ASB1: variants seen among roughly 807,000 people sequenced by gnomAD.
ASB1 encodes ankyrin repeat and SOCS box containing 1.
ASB1 carries 18 observed loss-of-function variants against 27.7 expected under a neutral mutation model. The ratio of observed to expected loss-of-function variants is 0.65; its 90% CI spans 0.45 to 0.96. The LOEUF (loss-of-function observed/expected upper bound fraction) is 0.96. ASB1 is among the 50% of genes least tolerant of loss of function. ASB1 has a pLI of 0.00. For synonymous variants in ASB1, 189 were observed against 187.6 expected (o/e 1.01, Z -0.06); for missense variants, 397 against 451.7 (o/e 0.88, Z 1.10).
rs548486087 is a variant in ASB1, at chr2:238,432,138, G to C, written c.50-1416G>C. 5.3e-4 allele frequency among the ~76,000 whole-genome samples: 80 copies of C among 152,282 alleles called. 1 individual carries two copies. Among genetic ancestry groups the C allele is most frequent in the South Asian group, 5.2e-3 (25 of 4,824 alleles). The stretch of plus-strand genomic sequence containing the variant: ...GATCTTTCTGGGCAGCTGATGGTTT[G>C]ATTTTCTTTTTTATTCTGATGAGTG... On this transcript the variant is annotated intron_variant, in intron 1 of 4. Coordinates refer to ENST00000264607, the MANE Select transcript of ASB1 (RefSeq NM_001040445.3).
Position 238,446,695 on chromosome 2 carries a change from T to A in ASB1, c.*184T>A, listed in dbSNP as rs1702187840. 1 of 659,850 alleles carries A rather than the reference T, an allele frequency of 1.5e-6. No individual in the cohort carries two copies. The allele number at this position is 659,850 out of a possible 1,614,324, so 40.9% of individuals were successfully genotyped here. A position where few individuals can be genotyped will look rare whatever the true frequency, so the allele number is the denominator to read the frequency against. The stretch of plus-strand genomic sequence containing the variant: ...GAACAGTCCTTGGGTCATTGTCAGC[T>A]GAGAGGCTTATACTAAAGTTATTAT... On this transcript the variant is annotated 3_prime_UTR_variant, in exon 5 of 5. Coordinates refer to ENST00000264607, the MANE Select transcript of ASB1 (RefSeq NM_001040445.3).
In ASB1 at chr2:238,447,643, G is replaced by C. The variant is rs1702206301; in HGVS notation, c.*1132G>C. 6.6e-6 allele frequency: 1 copy of C among 152,286 alleles called. No individual in the cohort carries two copies. Among genetic ancestry groups the C allele is most frequent in the African/African-American group, 2.4e-5 (1 of 41,478 alleles). The allele number at this position is 152,286 out of a possible 1,614,324, so 9.4% of individuals were successfully genotyped here. On this transcript the variant is annotated 3_prime_UTR_variant, in exon 5 of 5. Transcript: ENST00000264607. ...AGCCTCAGAGCCCTCCCAGGTTGCT[G>C]CTGTTTCCAGTGAATCACATTTCGT...
intron 3 of ASB1, 72 bp downstream of exon 3, chr2:238,436,085 G>C: frequency 7.1e-7 from 1 of 1,416,598 alleles, no homozygotes; most frequent in Non-Finnish European, 9.3e-7. Flanking sequence ...CAGTTTTTCT[G>C]TCTTTAGAAT....
intron 3 of ASB1, among the ~76,000 whole-genome samples, chr2:238,440,423 T>G (rs1702056914): frequency 6.6e-6 from 1 of 152,234 alleles, no homozygotes; most frequent in Non-Finnish European, 1.5e-5. Flanking sequence ...TTTCTGCCTT[T>G]CGCGTTTACT....
chr2:238,428,774 C>T (rs768465782), intron 1 of ASB1, among the ~76,000 whole-genome samples: 1 of 152,162 alleles, frequency 6.6e-6, no homozygotes, highest in Non-Finnish European at 1.5e-5. Flanking sequence ...GAATCTGGAG[C>T]TGGGGAAAGA....
intron 3 of ASB1, 67 bp from the exon 4 acceptor site, chr2:238,444,275 G>T: frequency 6.6e-7 from 1 of 1,526,372 alleles, no homozygotes; most frequent in East Asian, 2.3e-5. Context: ...GGATTTGTTG[G>T]ATCTGTGGGA....
At position 238,444,695 on chromosome 2, in the gene ASB1, C is replaced by T. The variant is rs750406228; in HGVS notation, c.848C>T (p.Pro283Leu). 17 of 1,613,634 alleles carry T rather than the reference C, an allele frequency of 1.1e-5. No individual in the cohort carries two copies. Among genetic ancestry groups the T allele is most frequent in the Admixed American group, 5.0e-5 (3 of 59,990 alleles). ...PESRGRRKVD[P>L]EALQVFKEAR... is the part of the protein sequence containing the mutation. ...TCGAGAGGAAGAAGAAAAGTGGACC[C>T]TGAGGCCTTGCAGGTCTTTAAAGAG... Residue 283 changes from proline to leucine, a missense_variant, in exon 4 of 5, where the codon CCT becomes CTT. Transcript: ENST00000264607.
At chr2:238,435,243 A>G (rs1221695314) in intron 2 of ASB1, 2 of 170,272 alleles carry the variant, frequency 1.2e-5, no homozygotes, top group Admixed American at 5.8e-5. Flanking sequence ...TTGGGGGCCT[A>G]CATAGTCACC....
At position 238,446,639 on chromosome 2, in the gene ASB1, C is replaced by A; in HGVS notation, c.*128C>A. 1 of 1,242,616 alleles carries A rather than the reference C, an allele frequency of 8.0e-7. No individual in the cohort carries two copies. The highest frequency in any genetic ancestry group is 1.2e-6 in the Non-Finnish European group (1 of 864,242). 77.0% of individuals were successfully genotyped at this position (1,242,616 alleles called of 1,614,324 possible). A position where few individuals can be genotyped will look rare whatever the true frequency, so the allele number is the denominator to read the frequency against. Reference sequence around the variant, plus strand: ...TTGCTGCAGAAGATGTCCTCGTAGACTGTCATTGCTCCTCAGGTGCCTGGG... The same window carrying A: ...TTGCTGCAGAAGATGTCCTCGTAGAATGTCATTGCTCCTCAGGTGCCTGGG... On this transcript the variant is annotated 3_prime_UTR_variant, in exon 5 of 5. Coordinates refer to ENST00000264607, the MANE Select transcript of ASB1 (RefSeq NM_001040445.3).
chr2:238,433,131 C>G (rs9630961), intron 1 of ASB1, among the ~76,000 whole-genome samples: 24,210 of 152,136 alleles, frequency 0.16, 3,744 homozygotes, highest in African/African-American at 0.4. Context: ...AATATTGATT[C>G]AATCTGCTGA....
At chr2:238,427,282 C>T (rs1171984003) in intron 1 of ASB1, 163 bp downstream of exon 1, 3 of 451,826 alleles carry the variant, frequency 6.6e-6, no homozygotes, top group Non-Finnish European at 1.1e-5. Flanking sequence ...CAGCGCGGCT[C>T]GCAGTGCTGG....
chr2:238,427,395 G>A, intron 1 of ASB1: 1 of 356,978 alleles, frequency 2.8e-6, no homozygotes, highest in Admixed American at 4.7e-5. Flanking sequence ...CTTCCCGTTA[G>A]CCGATACAGA....
rs1702195056 is a variant in ASB1 at position 238,447,072 on chromosome 2, A to T, written c.*561A>T. ...ATTCTCTCTTTGCGATGGAGGTCTC[A>T]TAGTGAGTGTCTTCACTCAAGGGTG... On this transcript the variant is annotated 3_prime_UTR_variant, in exon 5 of 5. Transcript: ENST00000264607. 1 of 157,080 alleles carries T rather than the reference A, an allele frequency of 6.4e-6. No individual in the cohort carries two copies. The highest frequency in any genetic ancestry group is 2.4e-5 in the African/African-American group (1 of 41,454). The allele number at this position is 157,080 out of a possible 1,614,324, so 9.7% of individuals were successfully genotyped here.
intron 3 of ASB1, among the ~76,000 whole-genome samples, chr2:238,439,322 G>A (rs1190835812): frequency 1.3e-5 from 2 of 152,104 alleles, no homozygotes; most frequent in Admixed American, 6.5e-5. Context: ...TGGAAGCCTC[G>A]TTGTCATGTG....
chr2:238,441,099 G>A lies in ASB1; in HGVS notation c.495-3243G>A, dbSNP rs186540127. On this transcript the variant is annotated intron_variant, in intron 3 of 4. Transcript: ENST00000264607. ...GGGCAGCGCATCATGGCGCCAGCTG[G>A]ATACCTGATTGAGTTCATGCGTTTC... Among the ~76,000 whole-genome samples the A allele has an allele frequency of 5.3e-4, 80 of 152,244 alleles. 2 individuals carry two copies. Among genetic ancestry groups the A allele is most frequent in the Middle Eastern group, 6.8e-3 (2 of 294 alleles).
In ASB1 at chr2:238,427,042, C is replaced by T. The variant is rs1574998495; in HGVS notation, c.-29C>T. 10 of 1,257,102 alleles carry T rather than the reference C, an allele frequency of 8.0e-6. No individual in the cohort carries two copies. The East Asian group carries it at 1.3e-4, about 16-fold the overall frequency. 77.9% of individuals were successfully genotyped at this position (1,257,102 alleles called of 1,614,324 possible). Reference sequence around the variant, plus strand: ...TCCTGCCCGAGGGGCGTGCGCGGGTCAGGGGCGGCCGCGGAGGCGGAAGCA... The same window carrying T: ...TCCTGCCCGAGGGGCGTGCGCGGGTTAGGGGCGGCCGCGGAGGCGGAAGCA... On this transcript the variant is annotated 5_prime_UTR_variant, in exon 1 of 5. Coordinates refer to ENST00000264607, the MANE Select transcript of ASB1 (RefSeq NM_001040445.3).
chr2:238,427,897 G>T (rs1479650854), intron 1 of ASB1, among the ~76,000 whole-genome samples: 2 of 152,190 alleles, frequency 1.3e-5, no homozygotes, highest in African/African-American at 2.4e-5. Flanking sequence ...CTTTGGAGGG[G>T]TTCCTCTCCT....
Position 238,451,065 on chromosome 2 carries a change from G to T in ASB1, c.*4554G>T, listed in dbSNP as rs376919645. The T allele has an allele frequency of 1.6e-5, 1 of 60,910 alleles. No individual in the cohort carries two copies. Among genetic ancestry groups the T allele is most frequent in the African/African-American group, 4.0e-5 (1 of 24,722 alleles). The allele number at this position is 60,910 out of a possible 1,614,324, so 3.8% of individuals were successfully genotyped here. A position where few individuals can be genotyped will look rare whatever the true frequency, so the allele number is the denominator to read the frequency against. ...CCGAACCTCTCAGTGTGGAATGAAC[G>T]CTCCAAACCCGAACCTCTCAGTGTG... is the stretch of plus-strand genomic sequence containing the variant. On this transcript the variant is annotated 3_prime_UTR_variant, in exon 5 of 5. Transcript: ENST00000264607.
At chr2:238,430,206 T>C (rs1701842247) in intron 1 of ASB1, among the ~76,000 whole-genome samples, 1 of 152,188 alleles carries the variant, frequency 6.6e-6, no homozygotes, top group African/African-American at 2.4e-5. Flanking sequence ...CGTTGTTTGA[T>C]GGCATTTTAC....
Sources: allele counts gnomAD v4.1 joint callset (sites outside exome capture counted in the v4.1 genomes callset), GRCh38; gene constraint gnomAD v4.1.1; transcripts MANE v1.5; gene names NCBI Gene and HGNC (gene_info 2026-07-23, HGNC 2026-07-21).